Variants in OBI1 observed in about 807,000 individuals in gnomAD.
The protein encoded by OBI1 is ring finger protein 219.
Under a neutral mutation model 62.4 loss-of-function variants are expected in OBI1, and 59 were observed. The observed-to-expected ratio is 0.95, with a 90% confidence interval of 0.77 to 1.17. The LOEUF is 1.17. Among genes scored for constraint, OBI1 ranks in the 50% most tolerant of loss-of-function variants. The pLI, the probability that OBI1 is intolerant of heterozygous loss-of-function variation, is 0.00. For missense variants in OBI1, 875 were observed against 830.9 expected (o/e 1.05, Z -0.65); for synonymous variants, 302 against 292.8 (o/e 1.03, Z -0.32).
At chr13:78,647,338 A>ATT (rs1876415653) in intron 1 of OBI1, among the ~76,000 whole-genome samples, 1 of 152,286 alleles carries the variant, frequency 6.6e-6, no homozygotes, top group Admixed American at 6.5e-5. Flanking sequence ...CCTACTGTAC[A>ATT]TTTGTTCAGT....
chr13:78,640,545 T>A (rs971757799), intron 3 of OBI1, among the ~76,000 whole-genome samples: 1 of 152,162 alleles, frequency 6.6e-6, no homozygotes, highest in Non-Finnish European at 1.5e-5. Flanking sequence ...GTGCCTGTAA[T>A]CCCAGCACTT....
At chr13:78,637,234 T>A (rs1046295101) in intron 4 of OBI1, among the ~76,000 whole-genome samples, 4 of 152,206 alleles carry the variant, frequency 2.6e-5, no homozygotes, top group Non-Finnish European at 4.4e-5. Context: ...TTATGTTGAG[T>A]ATGTTATTAC....
intron 2 of OBI1, among the ~76,000 whole-genome samples, chr13:78,644,569 G>A (rs1027955373): frequency 9.2e-5 from 14 of 151,908 alleles, no homozygotes; most frequent in Admixed American, 2.0e-4. Context: ...GAAGTTTCTT[G>A]CCTGAACTCT....
chr13:78,621,586 C>T (rs776165190), intron 5 of OBI1, among the ~76,000 whole-genome samples: 1 of 152,162 alleles, frequency 6.6e-6, no homozygotes, highest in Non-Finnish European at 1.5e-5. Flanking sequence ...ACAATGATAA[C>T]ATTGGAAGTG....
At chr13:78,657,767 AAC>A (rs1340768811) in intron 1 of OBI1, among the ~76,000 whole-genome samples, 1 of 152,226 alleles carries the variant, frequency 6.6e-6, no homozygotes, top group Non-Finnish European at 1.5e-5. Flanking sequence ...CTCAGAATTT[AAC>A]ACATATTTCC....
chr13:78,647,100 G>A (rs894702138), intron 1 of OBI1, among the ~76,000 whole-genome samples: 4 of 152,342 alleles, frequency 2.6e-5, no homozygotes, highest in Admixed American at 1.3e-4. Context: ...GCGGAAAGCC[G>A]CAGGGACCTC....
chr13:78,638,881 A>G lies in OBI1; in HGVS notation c.491T>C (p.Leu164Pro), dbSNP rs1236606333. 1 of 1,613,700 alleles carries G rather than the reference A, an allele frequency of 6.2e-7. No homozygotes were observed. Among genetic ancestry groups the G allele is most frequent in the Admixed American group, 1.7e-5 (1 of 60,016 alleles). Residue 164 changes from leucine to proline, a missense_variant, in exon 4 of 6, where the codon CTC becomes CCC. Transcript: ENST00000282003. ...TTCATAGATTTCATTAGCTGTTCTG[A>G]GTTTTTTCTTCCACTCTGCTACAGT... ...PETVAEWKKKLRTANEIYEKV... is the reference protein window; with the variant it reads ...PETVAEWKKKPRTANEIYEKV...
At chr13:78,648,279 A>AACACACACACACACACAC (rs3064402) in intron 1 of OBI1, among the ~76,000 whole-genome samples, 9 of 146,784 alleles carry the variant, frequency 6.1e-5, no homozygotes, top group African/African-American at 1.8e-4. Flanking sequence ...ACTTCCCCCA[A>AACACACACACACACACAC]ACACACACAC....
At chr13:78,622,769 G>A (rs1034644577) in intron 5 of OBI1, among the ~76,000 whole-genome samples, 1 of 152,122 alleles carries the variant, frequency 6.6e-6, no homozygotes, top group African/African-American at 2.4e-5. Context: ...AGAAATCCGA[G>A]TTTTGACAGA....
In OBI1 at chr13:78,645,082, C is replaced by T. The variant is rs535971685; in HGVS notation, c.73-85G>A. The stretch of plus-strand genomic sequence containing the variant: ...GTTTAGTTTACAGCAAACTGCTTCT[C>T]TAGATTATAGCAGAGTAGGAGTTTA... On this transcript the variant is annotated intron_variant, in intron 1 of 5. Transcript: ENST00000282003. 32 of 1,310,456 alleles carry T rather than the reference C, an allele frequency of 2.4e-5. No homozygotes were observed. In the East Asian group the frequency reaches 6.2e-4, roughly 26 times the overall value. The allele number at this position is 1,310,456 out of a possible 1,614,324, so 81.2% of individuals were successfully genotyped here.
At chr13:78,617,359 G>A (rs1012369388) in intron 5 of OBI1, 18 of 384,646 alleles carry the variant, frequency 4.7e-5, no homozygotes, top group Non-Finnish European at 7.9e-5. Context: ...GGTTAAATCA[G>A]ATCTATGGTA....
intron 1 of OBI1, among the ~76,000 whole-genome samples, chr13:78,652,813 G>A (rs1181088537): frequency 6.6e-6 from 1 of 152,106 alleles, no homozygotes; most frequent in East Asian, 1.9e-4. Flanking sequence ...CTCACTCCCT[G>A]CTCGCCTTCT....
Position 78,651,554 on chromosome 13 carries a change from T to A in OBI1, c.73-6557A>T, listed in dbSNP as rs148798772. On this transcript the variant is annotated intron_variant, in intron 1 of 5. Coordinates refer to ENST00000282003, the MANE Select transcript of OBI1 (RefSeq NM_024546.4). ...CCCTGTTTATGGGGCTCCCTATTTA[T>A]AGAGCTTCCATTTCTCAGCTTGATA... Among the ~76,000 whole-genome samples the A allele has an allele frequency of 5.6e-3, 850 of 152,254 alleles. 5 individuals are homozygous for A. Among genetic ancestry groups the A allele is most frequent in the African/African-American group, 0.018 (763 of 41,560 alleles).
At chr13:78,622,942 C>T (rs142492336) in intron 5 of OBI1, among the ~76,000 whole-genome samples, 230 of 152,282 alleles carry the variant, frequency 1.5e-3, no homozygotes, top group African/African-American at 5.4e-3. Context: ...AAGCCTCTGG[C>T]ATCTCTTTTC....
chr13:78,623,436 TATATG>T (rs1875573170), intron 5 of OBI1, among the ~76,000 whole-genome samples: 1 of 152,166 alleles, frequency 6.6e-6, no homozygotes, highest in Admixed American at 6.5e-5. Flanking sequence ...AGCACAGTGC[TATATG>T]CTTGATATAT....
At chr13:78,645,022 G>C in intron 1 of OBI1, 25 bp from the exon 2 acceptor site, 1 of 1,596,176 alleles carries the variant, frequency 6.3e-7, no homozygotes, top group Non-Finnish European at 8.5e-7. Context: ...ATCACTTTTA[G>C]TACAGGACAA....
intron 5 of OBI1, among the ~76,000 whole-genome samples, chr13:78,632,812 A>G (rs1352078212): frequency 2.0e-5 from 3 of 152,184 alleles, no homozygotes; most frequent in Non-Finnish European, 4.4e-5. Context: ...ATGCATTGCA[A>G]ATTGATCTGG....
intron 5 of OBI1, among the ~76,000 whole-genome samples, chr13:78,630,082 A>G (rs1349818932): frequency 6.6e-6 from 1 of 152,086 alleles, no homozygotes; most frequent in Non-Finnish European, 1.5e-5. Flanking sequence ...CATCCTTCAA[A>G]GCTGGGCTTA....
Position 78,642,128 on chromosome 13 carries a change from T to G in OBI1, c.294A>C (p.Glu98Asp), listed in dbSNP as rs1005306150. 3 of 1,583,074 alleles carry G rather than the reference T, an allele frequency of 1.9e-6. No individual in the cohort carries two copies. The highest frequency in any genetic ancestry group is 2.6e-6 in the Non-Finnish European group (3 of 1,151,996). Reference sequence around the variant, plus strand: ...AACTTTGATTACTGTTTACCTCATATTCTTTGTGTAGTAATTCAAGTCTAG... The same window carrying G: ...AACTTTGATTACTGTTTACCTCATAGTCTTTGTGTAGTAATTCAAGTCTAG... ...RKTRLELLHK[E>D]YEDEIDCLQK... The change falls in exon 3 of 6, where the codon GAA (glutamate) becomes GAC (aspartate). Residue 98 changes from glutamate to aspartate, a missense_variant. By Grantham distance (45) the Glu-to-Asp change is conservative. Transcript: ENST00000282003.
Sources: allele counts gnomAD v4.1 joint callset (sites outside exome capture counted in the v4.1 genomes callset), GRCh38; gene constraint gnomAD v4.1.1; transcripts MANE v1.5; gene names NCBI Gene and HGNC (gene_info 2026-07-23, HGNC 2026-07-21).